The following MVB12B variants were observed in gnomAD, a reference collection of about 807,000 sequenced individuals.
MVB12B encodes the protein ESCRT-I complex subunit MVB12B.
A neutral mutation model predicts 41.6 loss-of-function variants in MVB12B; 16 were observed. The ratio of observed to expected loss-of-function variants is 0.38; its 90% confidence interval spans 0.26 to 0.58. The LOEUF (loss-of-function observed/expected upper bound fraction) is 0.58, where lower values mean the gene tolerates loss of function less well. Ranked by LOEUF, MVB12B falls within the 20% of genes least tolerant of loss-of-function variation. The probability of loss-of-function intolerance (pLI) is 0.62; values close to 1 mark genes in which losing one functional copy is unlikely to be tolerated. For missense variants in MVB12B, 274 were observed against 380.2 expected (o/e 0.72, Z 2.32); for synonymous variants, 133 against 139.7 (o/e 0.95, Z 0.34).
intron 6 of MVB12B, among the ~76,000 whole-genome samples, chr9:126,409,972 A>T (rs1831582118): frequency 1.3e-5 from 2 of 152,174 alleles, no homozygotes; most frequent in South Asian, 4.1e-4. Context: ...TCTGCACCAC[A>T]CTTGCCATGT....
chr9:126,400,015 G>A (rs1831224864), intron 6 of MVB12B, among the ~76,000 whole-genome samples: 1 of 152,208 alleles, frequency 6.6e-6, no homozygotes, highest in Non-Finnish European at 1.5e-5. Flanking sequence ...AAATGGCGGG[G>A]GTCGGAGCGT....
intron 2 of MVB12B, among the ~76,000 whole-genome samples, chr9:126,343,521 T>C (rs1250016704): frequency 6.6e-6 from 1 of 152,324 alleles, no homozygotes; most frequent in East Asian, 1.9e-4. Flanking sequence ...GATGTTGCAG[T>C]GTCTAAAGGG....
intron 7 of MVB12B, among the ~76,000 whole-genome samples, chr9:126,423,891 G>T (rs1832096574): frequency 6.6e-6 from 1 of 152,212 alleles, no homozygotes; most frequent in Non-Finnish European, 1.5e-5. Flanking sequence ...GGTTTCCAAT[G>T]GTTTCTTCCA....
intron 1 of MVB12B, among the ~76,000 whole-genome samples, chr9:126,338,453 T>G (rs1829348345): frequency 6.6e-6 from 1 of 152,202 alleles, no homozygotes; most frequent in South Asian, 2.1e-4. Context: ...CCAGGGGATG[T>G]GGCAATGAAT....
chr9:126,399,415 C>G (rs1375296070), intron 6 of MVB12B, among the ~76,000 whole-genome samples: 1 of 152,202 alleles, frequency 6.6e-6, no homozygotes, highest in Non-Finnish European at 1.5e-5. Flanking sequence ...CTGTGGCCCT[C>G]TTTGGGGCTG....
Position 126,340,703 on chromosome 9 carries a change from T to A in MVB12B, c.204+73T>A. On this transcript the variant is annotated intron_variant, in intron 2 of 9. Transcript: ENST00000361171. This position sits in a 1 kb window ranked among gnomAD's most constrained non-coding sequence, Gnocchi z 4.0. ...TATTTATCTCCTGTGTCCAAGACCT[T>A]CTGGCCCTTGCGTGTAAGATGTGCT... 1 of 1,554,326 alleles carries A rather than the reference T, an allele frequency of 6.4e-7. No homozygotes were observed. The highest frequency in any genetic ancestry group is 8.8e-7 in the Non-Finnish European group (1 of 1,134,610).
intron 7 of MVB12B, among the ~76,000 whole-genome samples, chr9:126,433,134 C>T (rs1374794215): frequency 6.6e-6 from 1 of 152,090 alleles, no homozygotes; most frequent in East Asian, 1.9e-4. Context: ...CCTTCTGTGC[C>T]TTTGTCTCCT....
intron 6 of MVB12B, among the ~76,000 whole-genome samples, chr9:126,401,216 C>A (rs750013243): frequency 2.6e-5 from 4 of 152,188 alleles, no homozygotes; most frequent in Non-Finnish European, 5.9e-5. Flanking sequence ...CCATTGAGTT[C>A]TGACCGGCAG....
chr9:126,376,327 T>C lies in MVB12B; in HGVS notation c.205-4737T>C. ...TGGGTTCTCTGTCCTGAGCCGGCAC[T>C]GTTTCCCCCTATTCTCTTTGCTACC... is the stretch of plus-strand genomic sequence containing the variant. On this transcript the variant is annotated intron_variant, in intron 2 of 9. Coordinates refer to ENST00000361171, the MANE Select transcript of MVB12B (RefSeq NM_033446.3). The surrounding 1 kb of genome is among the most constrained non-coding windows in gnomAD (Gnocchi z 4.1). The C allele has an allele frequency of 2.6e-6, 1 of 380,750 alleles. No homozygotes were observed. Among genetic ancestry groups the C allele is most frequent in the South Asian group, 2.0e-5 (1 of 51,214 alleles). The allele number at this position is 380,750 out of a possible 1,614,324, so 23.6% of individuals were successfully genotyped here. A position where few individuals can be genotyped will look rare whatever the true frequency, so the allele number is the denominator to read the frequency against.
intron 7 of MVB12B, among the ~76,000 whole-genome samples, chr9:126,430,836 C>T (rs1284635234): frequency 1.3e-5 from 2 of 152,226 alleles, no homozygotes; most frequent in African/African-American, 4.8e-5. Context: ...CTAGCATCCT[C>T]TAGAACTGTA....
chr9:126,349,255 G>A (rs1026374643), intron 2 of MVB12B, among the ~76,000 whole-genome samples: 2 of 152,088 alleles, frequency 1.3e-5, no homozygotes, highest in South Asian at 2.1e-4. Flanking sequence ...CAGGGGAATC[G>A]TGTCCTGGAC....
intron 9 of MVB12B, among the ~76,000 whole-genome samples, chr9:126,487,886 A>G (rs1419798979): frequency 6.6e-6 from 1 of 152,244 alleles, no homozygotes; most frequent in Non-Finnish European, 1.5e-5. Flanking sequence ...GTAGAAAACC[A>G]TAACAAGTAT....
chr9:126,481,820 C>A lies in MVB12B; in HGVS notation c.813+396C>A, dbSNP rs140252431. 7.7e-3 allele frequency among the ~76,000 whole-genome samples: 1,173 copies of A among 152,360 alleles called. 16 individuals are homozygous for A. Among genetic ancestry groups the A allele is most frequent in the African/African-American group, 0.027 (1,111 of 41,586 alleles). On this transcript the variant is annotated intron_variant, in intron 8 of 9. Coordinates refer to ENST00000361171, the MANE Select transcript of MVB12B (RefSeq NM_033446.3). Reference sequence around the variant, plus strand: ...CTGGTTGTGAATGTTCTTTGTCTCCCAAGTCCAACTTAGTAAGTTTTGTTC... The same window carrying A: ...CTGGTTGTGAATGTTCTTTGTCTCCAAAGTCCAACTTAGTAAGTTTTGTTC...
At chr9:126,405,837 A>G (rs779697746) in intron 6 of MVB12B, among the ~76,000 whole-genome samples, 2 of 149,194 alleles carry the variant, frequency 1.3e-5, no homozygotes, top group Admixed American at 6.7e-5. Flanking sequence ...ATTAATAATT[A>G]TTATTATTAG....
chr9:126,334,800 C>T (rs1829230296), intron 1 of MVB12B, among the ~76,000 whole-genome samples: 1 of 152,162 alleles, frequency 6.6e-6, no homozygotes, highest in Non-Finnish European at 1.5e-5. Context: ...GAGTAATGTT[C>T]CCTGGTTTGT....
At chr9:126,419,919 AC>A (rs1372913375) in intron 6 of MVB12B, among the ~76,000 whole-genome samples, 12 of 151,990 alleles carry the variant, frequency 7.9e-5, no homozygotes, top group African/African-American at 2.9e-4. Context: ...GGGTTTAGGA[AC>A]CTCCATCCTA....
At chr9:126,457,183 A>C (rs1833000926) in intron 7 of MVB12B, among the ~76,000 whole-genome samples, 1 of 151,796 alleles carries the variant, frequency 6.6e-6, no homozygotes, top group African/African-American at 2.4e-5. Context: ...CCTTACCCAC[A>C]CTGCGGCCAA....
intron 8 of MVB12B, among the ~76,000 whole-genome samples, chr9:126,483,522 C>A (rs977535314): frequency 4.1e-4 from 62 of 152,290 alleles, no homozygotes; most frequent in African/African-American, 1.4e-3. Context: ...CCCTGGAGTT[C>A]CTTAAACCTC....
intron 6 of MVB12B, among the ~76,000 whole-genome samples, chr9:126,409,622 G>T (rs1298346041): frequency 1.3e-5 from 2 of 152,262 alleles, no homozygotes. Context: ...TTGCCACCAC[G>T]TGGCTCCCGC....
Sources: allele counts gnomAD v4.1 joint callset (sites outside exome capture counted in the v4.1 genomes callset), GRCh38; gene constraint gnomAD v4.1.1; non-coding constraint Gnocchi (gnomAD v3.1); transcripts MANE v1.5; gene names NCBI Gene and HGNC (gene_info 2026-07-23, HGNC 2026-07-21).